HIVEP3: variants seen among roughly 807,000 people sequenced by gnomAD.
HIVEP3 encodes the protein HIVEP zinc finger 3.
HIVEP3 carries 49 observed loss-of-function variants against 152.8 expected under a neutral mutation model. That is an observed-to-expected ratio of 0.32 (90% CI 0.26 to 0.41). HIVEP3 has a LOEUF of 0.41. Ranked by LOEUF, HIVEP3 falls within the 10% of genes least tolerant of loss-of-function variation. HIVEP3 has a pLI of 1.00. For missense variants in HIVEP3, 2,790 were observed against 3,103.3 expected (o/e 0.90, Z 2.40); for synonymous variants, 1,269 against 1,289.0 (o/e 0.98, Z 0.33).
intron 1 of HIVEP3, among the ~76,000 whole-genome samples, chr1:41,733,090 T>G (rs772580875): frequency 6.6e-6 from 1 of 152,178 alleles, no homozygotes; most frequent in Non-Finnish European, 1.5e-5. Context: ...GAGGAAATGT[T>G]CTGGCCATGA....
chr1:41,636,707 G>A lies in HIVEP3; in HGVS notation c.-720-7760C>T, dbSNP rs562476351. Among the ~76,000 whole-genome samples the A allele has an allele frequency of 4.6e-5, 7 of 152,174 alleles. No homozygotes were observed. The South Asian group carries it at 6.2e-4, about 14-fold the overall frequency. On this transcript the variant is annotated intron_variant, in intron 2 of 8. Transcript: ENST00000372583. ...TAAATATATGCAAAATGCTGGCCTC[G>A]TTAATAAAGAATATATTTAAAAATG...
At position 41,606,662 on chromosome 1, in the gene HIVEP3, G is replaced by T. The variant is rs1644826486; in HGVS notation, c.-521-21344C>A. On this transcript the variant is annotated intron_variant, in intron 3 of 8. Coordinates refer to ENST00000372583, the MANE Select transcript of HIVEP3 (RefSeq NM_024503.5). ...TTGATTGATGAAATAACTCCAGGAG[G>T]TTTTATTTTCTTCCAGAAAATATAG... 2.6e-5 allele frequency among the ~76,000 whole-genome samples: 4 copies of T among 151,902 alleles called. No individual in the cohort carries two copies. The South Asian group carries it at 6.2e-4, about 24-fold the overall frequency.
intron 3 of HIVEP3, among the ~76,000 whole-genome samples, chr1:41,600,154 G>C (rs1435468035): frequency 1.3e-5 from 2 of 152,200 alleles, no homozygotes; most frequent in East Asian, 3.9e-4. Context: ...GGAAAACACT[G>C]TGGTAGTTCC....
intron 1 of HIVEP3, among the ~76,000 whole-genome samples, chr1:41,935,368 T>C (rs1292214261): frequency 6.6e-6 from 1 of 152,156 alleles, no homozygotes; most frequent in Non-Finnish European, 1.5e-5. Context: ...TGTTAATTAT[T>C]TCCTGTGGCC....
Position 41,584,546 on chromosome 1 carries a change from G to A in HIVEP3, c.252C>T (p.Pro84=), listed in dbSNP as rs929560494. Residue 84 remains proline, a synonymous_variant, in exon 4 of 9, where the codon CCC becomes CCT. Coordinates refer to ENST00000372583, the MANE Select transcript of HIVEP3 (RefSeq NM_024503.5). This position sits in a 1 kb window ranked among gnomAD's most constrained non-coding sequence, Gnocchi z 5.2. ...AGATGTGGACGGATGCTTCGATGGG[G>A]GGCCTTTTGGGGGGCTTCTGCTGCT... The part of the protein sequence containing the change: ...TGQQQKPPKR[P]PIEASVHISQ... The A allele has an allele frequency of 6.2e-7, 1 of 1,614,132 alleles. No individual in the cohort carries two copies. Among genetic ancestry groups the A allele is most frequent in the Non-Finnish European group, 8.5e-7 (1 of 1,180,010 alleles).
intron 3 of HIVEP3, among the ~76,000 whole-genome samples, chr1:41,596,289 G>A (rs1031915065): frequency 2.0e-5 from 3 of 152,244 alleles, no homozygotes; most frequent in Admixed American, 6.5e-5. Flanking sequence ...GCGCACTGCT[G>A]CTGCTGGGCT....
intron 1 of HIVEP3, among the ~76,000 whole-genome samples, chr1:41,742,593 T>C (rs957264626): frequency 6.6e-6 from 1 of 152,228 alleles, no homozygotes; most frequent in African/African-American, 2.4e-5. Context: ...AGGTTTTCAC[T>C]AAGGTACATA....
chr1:41,764,838 G>T (rs575029826), intron 1 of HIVEP3, among the ~76,000 whole-genome samples: 1 of 152,298 alleles, frequency 6.6e-6, no homozygotes, highest in Non-Finnish European at 1.5e-5. Flanking sequence ...AGAGGCCAGA[G>T]GAGGGTTCAT....
At chr1:41,784,037 G>A (rs901155080) in intron 1 of HIVEP3, among the ~76,000 whole-genome samples, 1 of 152,192 alleles carries the variant, frequency 6.6e-6, no homozygotes, top group Admixed American at 6.5e-5. Flanking sequence ...GAGTAGGTAG[G>A]GAAGAAGGAT....
intron 1 of HIVEP3, among the ~76,000 whole-genome samples, chr1:41,883,977 T>C (rs888228923): frequency 6.6e-6 from 1 of 152,252 alleles, no homozygotes; most frequent in Non-Finnish European, 1.5e-5. Flanking sequence ...CATACTTTTC[T>C]TTTGAGATGG....
chr1:41,878,627 G>A (rs1372930300), intron 1 of HIVEP3, among the ~76,000 whole-genome samples: 1 of 151,930 alleles, frequency 6.6e-6, no homozygotes, highest in Non-Finnish European at 1.5e-5. Context: ...GAGCTGAACT[G>A]GCCTAACCTG....
At chr1:41,874,821 G>A (rs1023898971) in intron 1 of HIVEP3, among the ~76,000 whole-genome samples, 1 of 152,186 alleles carries the variant, frequency 6.6e-6, no homozygotes, top group East Asian at 1.9e-4. Flanking sequence ...AGTCCCTGAG[G>A]AAAGGATTCT....
At chr1:41,902,656 A>T (rs1644644540) in intron 1 of HIVEP3, among the ~76,000 whole-genome samples, 1 of 152,216 alleles carries the variant, frequency 6.6e-6, no homozygotes, top group Non-Finnish European at 1.5e-5. Context: ...GGATGGGCAC[A>T]CAGAAGTGGC....
chr1:41,813,380 T>C (rs1048706194), intron 1 of HIVEP3, among the ~76,000 whole-genome samples: 3 of 152,230 alleles, frequency 2.0e-5, no homozygotes, highest in African/African-American at 7.2e-5. Flanking sequence ...TCATGGCAGC[T>C]GGAAAACAGT....
At chr1:41,776,174 G>A (rs142262373) in intron 1 of HIVEP3, among the ~76,000 whole-genome samples, 2 of 152,368 alleles carry the variant, frequency 1.3e-5, no homozygotes, top group East Asian at 3.9e-4. Flanking sequence ...TGCCCGTGCA[G>A]TCCATAAAAG....
intron 1 of HIVEP3, among the ~76,000 whole-genome samples, chr1:42,001,989 C>G (rs1040301525): frequency 1.3e-5 from 2 of 152,084 alleles, no homozygotes; most frequent in Non-Finnish European, 2.9e-5. Flanking sequence ...AATGCCCCTG[C>G]CTGTAATCAC....
chr1:41,526,343 AC>A (rs1346111741), intron 5 of HIVEP3, among the ~76,000 whole-genome samples: 2 of 118,570 alleles, frequency 1.7e-5, no homozygotes, highest in East Asian at 5.4e-4. Flanking sequence ...ACATGCTCAC[AC>A]CCCACACTCA....
chr1:41,853,813 G>A (rs914588293), intron 1 of HIVEP3, among the ~76,000 whole-genome samples: 2 of 152,132 alleles, frequency 1.3e-5, no homozygotes, highest in African/African-American at 4.8e-5. Flanking sequence ...TCACCAAGGC[G>A]AACCTGCCAC....
chr1:41,581,420 G>T lies in HIVEP3; in HGVS notation c.3378C>A (p.His1126Gln). 1 of 1,598,670 alleles carries T rather than the reference G, an allele frequency of 6.3e-7. No individual in the cohort carries two copies. The highest frequency in any genetic ancestry group is 8.5e-7 in the Non-Finnish European group (1 of 1,172,742). ...PYTEALQVFH[H>Q]PVAQTPLHEK... ...CATGCAGGGGTGTCTGGGCAACGGG[G>T]TGGTGGAACACTTGCAGTGCTTCTG... Residue 1126 changes from histidine (H) to glutamine (Q), a missense_variant, in exon 4 of 9, where the codon CAC (histidine) becomes CAA (glutamine). This residue lies in a region of HIVEP3 where 1,078 missense variants were observed against 1,165.3 expected (regional missense o/e 0.93). Coordinates refer to ENST00000372583, the MANE Select transcript of HIVEP3 (RefSeq NM_024503.5). The surrounding 1 kb of genome is among the most constrained non-coding windows in gnomAD (Gnocchi z 4.5).
Sources: gnomAD v4.1 joint callset for allele counts (sites outside exome capture counted in the v4.1 genomes callset) on GRCh38, gnomAD v4.1.1 for gene constraint, gnomAD v4.1.1 regional missense constraint, Gnocchi (gnomAD v3.1) non-coding constraint, MANE v1.5 for transcripts, NCBI Gene and HGNC (gene_info 2026-07-23, HGNC 2026-07-21) for gene names.